The following MED15 variants were observed in gnomAD, a reference collection of about 807,000 sequenced individuals.
MED15 encodes mediator complex subunit 15, also known as mediator of RNA polymerase II transcription subunit 15.
A neutral mutation model predicts 118.7 loss-of-function variants in MED15; 41 were observed. That is an observed-to-expected ratio of 0.35 (90% CI 0.27 to 0.45). MED15 has a LOEUF of 0.45. Ranked by LOEUF, MED15 falls within the 20% of genes least tolerant of loss-of-function variation. MED15 has a pLI of 1.00. For synonymous variants in MED15, 436 were observed against 413.9 expected, an observed-to-expected ratio of 1.05 and a Z score of -0.65; for missense variants, 740 against 1,025.5, an observed-to-expected ratio of 0.72 and a Z score of 3.80.
At chr22:20,541,650 A>ATT (rs35805990) in intron 2 of MED15, among the ~76,000 whole-genome samples, 26 of 125,510 alleles carry the variant, frequency 2.1e-4, no homozygotes, top group Non-Finnish European at 3.0e-4. Flanking sequence ...CACCCAGCTA[A>ATT]TTTTTTTTTT....
intron 5 of MED15, 33 bp downstream of exon 5, chr22:20,555,181 T>C: frequency 6.5e-7 from 1 of 1,532,754 alleles, no homozygotes; most frequent in South Asian, 1.2e-5. Flanking sequence ...GATTTGCCGC[T>C]TTCCTTGCAA....
Position 20,585,286 on chromosome 22 carries a change from G to A in MED15, c.2131+19G>A, listed in dbSNP as rs772512505. On this transcript the variant is annotated intron_variant, in intron 16 of 17. Coordinates refer to ENST00000263205, the MANE Select transcript of MED15 (RefSeq NM_001003891.3). ...AAGCTGGGTGAGTGTCCAGAGGGCC[G>A]GGACTGGTGTGGGAAAGCAGGCCCT... 1.4e-5 allele frequency: 23 copies of A among 1,608,848 alleles called. No individual in the cohort carries two copies. Among genetic ancestry groups the A allele is most frequent in the South Asian group, 4.4e-5 (4 of 90,888 alleles).
In MED15 at chr22:20,575,103, G is replaced by A. The variant is rs1399649562; in HGVS notation, c.1153-10G>A. On this transcript the variant is annotated splice_polypyrimidine_tract_variant and intron_variant, in intron 8 of 17. Coordinates refer to ENST00000263205, the MANE Select transcript of MED15 (RefSeq NM_001003891.3). ...CGATCACCTTGTCTGTTGTCCCTCT[G>A]TCCTCAAAGATGATCACGGAAGCCT... is the stretch of plus-strand genomic sequence containing the variant. 2 of 1,613,562 alleles carry A rather than the reference G, an allele frequency of 1.2e-6. No individual in the cohort carries two copies. Among genetic ancestry groups the A allele is most frequent in the East Asian group, 2.2e-5 (1 of 44,878 alleles).
chr22:20,572,449 T>A (rs2056695194), intron 8 of MED15, among the ~76,000 whole-genome samples: 1 of 152,244 alleles, frequency 6.6e-6, no homozygotes, highest in Non-Finnish European at 1.5e-5. Context: ...GCCCTTGCAG[T>A]ACTGTGGTGT....
chr22:20,546,273 A>G (rs2055531853), intron 2 of MED15, among the ~76,000 whole-genome samples: 1 of 152,126 alleles, frequency 6.6e-6, no homozygotes, highest in Non-Finnish European at 1.5e-5. Flanking sequence ...TGGGTGCTAA[A>G]TCGGAGAGCA....
rs757285601 is a variant in MED15, at chr22:20,555,099, G to A, written c.402G>A (p.Ser134=). The A allele has an allele frequency of 5.0e-6, 8 of 1,610,922 alleles. No homozygotes were observed. The highest frequency in any genetic ancestry group is 6.8e-6 in the Non-Finnish European group (8 of 1,179,268). Reference sequence around the variant, plus strand: ...CAGGGCAGCCGCCTCCTGGGACCTCGGGGATGGCCCCTCACAGCATGGCTG... The same window carrying A: ...CAGGGCAGCCGCCTCCTGGGACCTCAGGGATGGCCCCTCACAGCATGGCTG... ...SLSGQPPPGT[S]GMAPHSMAVV... Residue 134 remains serine, a synonymous_variant, in exon 5 of 18, where the codon TCG becomes TCA. Coordinates refer to ENST00000263205, the MANE Select transcript of MED15 (RefSeq NM_001003891.3).
At chr22:20,522,560 A>T (rs1292843631) in intron 1 of MED15, among the ~76,000 whole-genome samples, 1 of 152,210 alleles carries the variant, frequency 6.6e-6, no homozygotes, top group Admixed American at 6.6e-5. Flanking sequence ...TTCCGTGTGC[A>T]TGCGTATATG....
At chr22:20,515,538 C>T (rs1366165359) in intron 1 of MED15, among the ~76,000 whole-genome samples, 1 of 152,068 alleles carries the variant, frequency 6.6e-6, no homozygotes, top group East Asian at 1.9e-4. Flanking sequence ...GCCTATAATC[C>T]TAGCACTTTG....
intron 1 of MED15, among the ~76,000 whole-genome samples, chr22:20,534,346 T>C (rs1006452136): frequency 1.3e-5 from 2 of 151,904 alleles, no homozygotes; most frequent in African/African-American, 2.4e-5. Context: ...CAAGACCCTG[T>C]CTCTACAAAA....
At position 20,586,632 on chromosome 22, in the gene MED15, C is replaced by T. The variant is rs2057144048; in HGVS notation, c.2295C>T (p.Asp765=). ...CCTCCAGGCTGCTGCAGCTCCCGGA[C>T]AAGCACTCGGTCACCGCCTTGCTCA... The part of the protein sequence containing the change: ...CMTSRLLQLP[D]KHSVTALLNT... Residue 765 remains aspartate, a synonymous_variant, in exon 18 of 18, where the codon GAC becomes GAT. Coordinates refer to ENST00000263205, the MANE Select transcript of MED15 (RefSeq NM_001003891.3). 4 of 1,613,060 alleles carry T rather than the reference C, an allele frequency of 2.5e-6. No individual in the cohort carries two copies. The highest frequency in any genetic ancestry group is 3.4e-6 in the Non-Finnish European group (4 of 1,179,984).
At chr22:20,577,448 C>G (rs2056855787) in intron 9 of MED15, among the ~76,000 whole-genome samples, 1 of 143,710 alleles carries the variant, frequency 7.0e-6, no homozygotes, top group Non-Finnish European at 1.5e-5. Flanking sequence ...CCCACTCAGT[C>G]TTTCCCTCCC....
In MED15 at chr22:20,584,339, C is replaced by T. The variant is rs756415685; in HGVS notation, c.1737-20C>T. The stretch of plus-strand genomic sequence containing the variant: ...TGCCATGTCTTCCACTCTTTCAGCC[C>T]AAGTCCTCTCTCTCTGCAGGTGTCC... On this transcript the variant is annotated intron_variant, in intron 13 of 17. Transcript: ENST00000263205. 2 of 1,612,964 alleles carry T rather than the reference C, an allele frequency of 1.2e-6. No individual in the cohort carries two copies. The highest frequency in any genetic ancestry group is 8.5e-7 in the Non-Finnish European group (1 of 1,179,272).
chr22:20,571,277 T>C (rs2056653166), intron 8 of MED15, among the ~76,000 whole-genome samples: 1 of 152,260 alleles, frequency 6.6e-6, no homozygotes, highest in Non-Finnish European at 1.5e-5. Flanking sequence ...CTTGGGCCAC[T>C]GGTCTTCCTG....
At chr22:20,548,006 T>A (rs1463433164) in intron 2 of MED15, among the ~76,000 whole-genome samples, 6 of 151,958 alleles carry the variant, frequency 3.9e-5, no homozygotes, top group African/African-American at 7.3e-5. Context: ...TCTCAAAAAA[T>A]ATATATATTT....
chr22:20,585,704 CAGAT>C lies in MED15; in HGVS notation c.2132-20_2132-17del, dbSNP rs764398921. 21 of 1,609,020 alleles carry C rather than the reference CAGAT, an allele frequency of 1.3e-5. No individual in the cohort carries two copies. The highest frequency in any genetic ancestry group is 4.0e-5 in the African/African-American group (3 of 74,844). ...GGCAGGCCGGGGCTTGTCCAGGTCA[CAGAT>C]AGAGCCTTCTGTGTTGCAGATGACA... On this transcript the variant is annotated intron_variant, in intron 16 of 17. Transcript: ENST00000263205.
chr22:20,538,508 C>T (rs536892519), intron 2 of MED15, among the ~76,000 whole-genome samples: 2 of 152,242 alleles, frequency 1.3e-5, no homozygotes, highest in South Asian at 4.1e-4. Context: ...CCTTGCCCTC[C>T]CTAAATGCTG....
chr22:20,555,717 C>T (rs2055973702), intron 5 of MED15, among the ~76,000 whole-genome samples: 1 of 152,234 alleles, frequency 6.6e-6, no homozygotes, highest in Non-Finnish European at 1.5e-5. Context: ...GAACCTCCCT[C>T]TTCTTTCCAG....
intron 5 of MED15, among the ~76,000 whole-genome samples, chr22:20,561,549 T>C (rs191061525): frequency 2.5e-4 from 38 of 151,820 alleles, no homozygotes; most frequent in Non-Finnish European, 5.0e-4. Context: ...AGACAAATAT[T>C]AATAGAAAAT....
rs749789102 is a variant in MED15 at position 20,537,203 on chromosome 22, G to A, written c.155G>A (p.Arg52Gln). 2.5e-6 allele frequency: 4 copies of A among 1,611,822 alleles called. No homozygotes were observed. The highest frequency in any genetic ancestry group is 2.5e-6 in the Non-Finnish European group (3 of 1,179,212). Residue 52 changes from arginine to glutamine, a missense_variant and splice_region_variant, in exon 2 of 18, where the codon CGG becomes CAG. Transcript: ENST00000263205. ...CATGTTTTCCTGAAGGCCAAGACCC[G>A]GGTAAGGCCCTAGTAAGTGGAGCCA... ...ESHVFLKAKT[R>Q]DEYLSLVARL...
Sources: gnomAD v4.1 joint callset for allele counts (sites outside exome capture counted in the v4.1 genomes callset) on GRCh38, gnomAD v4.1.1 for gene constraint, MANE v1.5 for transcripts, NCBI Gene and HGNC (gene_info 2026-07-23, HGNC 2026-07-21) for gene names.